Variants in PLCD1 observed in about 807,000 individuals in gnomAD.
PLCD1 encodes phospholipase C delta 1, also known as 1-phosphatidylinositol 4,5-bisphosphate phosphodiesterase delta-1.
PLCD1 carries 71 observed loss-of-function variants against 87.4 expected under a neutral mutation model. The observed-to-expected ratio is 0.81, with a 90% CI of 0.67 to 0.99. PLCD1 has a LOEUF of 0.99. Ranked by LOEUF, PLCD1 falls within the 50% of genes least tolerant of loss-of-function variation. PLCD1 has a pLI of 0.00. For missense variants in PLCD1, 867 were observed against 1,001.5 expected, an observed-to-expected ratio of 0.87 and a Z score of 1.81; for synonymous variants, 348 against 399.2, an observed-to-expected ratio of 0.87 and a Z score of 1.53.
At position 38,017,047 on chromosome 3, in the gene PLCD1, G is replaced by A. The variant is rs958560793; in HGVS notation, c.200-328C>T. 3.3e-5 allele frequency among the ~76,000 whole-genome samples: 5 copies of A among 152,094 alleles called. No homozygotes were observed. The highest frequency in any genetic ancestry group is 1.2e-4 in the African/African-American group (5 of 41,400). Reference sequence around the variant, plus strand: ...AAAAGGCACCTGGGACCCCAGGCCTGCTCTCTCGGTGATGGGGGGTGCAGG... The same window carrying A: ...AAAAGGCACCTGGGACCCCAGGCCTACTCTCTCGGTGATGGGGGGTGCAGG... On this transcript the variant is annotated intron_variant, in intron 2 of 14. Coordinates refer to ENST00000334661, the MANE Select transcript of PLCD1 (RefSeq NM_006225.4). This position sits in a 1 kb window ranked among gnomAD's most constrained non-coding sequence, Gnocchi z 4.7.
At chr3:38,024,872 CGA>C in intron 1 of PLCD1, 1 of 454,990 alleles carries the variant, frequency 2.2e-6, no homozygotes, top group African/African-American at 2.1e-5. Context: ...GGAGATGGGG[CGA>C]GAGTGGTGTC....
intron 1 of PLCD1, chr3:38,024,751 G>T (rs924647069): frequency 3.0e-6 from 4 of 1,355,364 alleles, no homozygotes; most frequent in Admixed American, 2.4e-5. Flanking sequence ...GTAAATGAGT[G>T]GGGGGAGTCA....
rs1470427837 is a variant in PLCD1, at chr3:38,017,907, C to A, written c.200-1188G>T. Among the ~76,000 whole-genome samples the A allele has an allele frequency of 1.3e-5, 2 of 152,278 alleles. 1 individual carries two copies. The highest frequency in any genetic ancestry group is 6.8e-3 in the Middle Eastern group (2 of 294). On this transcript the variant is annotated intron_variant, in intron 2 of 14. Transcript: ENST00000334661. The surrounding 1 kb of genome is among the most constrained non-coding windows in gnomAD (Gnocchi z 4.7). ...CGGCTTAATCCCTCTGCCTGCAGCC[C>A]CTGGTGACCCACACGGCCGCACACA...
At chr3:38,011,503 C>A in intron 4 of PLCD1, 41 bp downstream of exon 4, 2 of 1,613,994 alleles carry the variant, frequency 1.2e-6, no homozygotes, top group Non-Finnish European at 8.5e-7. Context: ...GGGTCAAGGG[C>A]CCCATGGACA....
chr3:38,024,867 T>C, intron 1 of PLCD1: 1 of 487,532 alleles, frequency 2.1e-6, no homozygotes, highest in Non-Finnish European at 3.1e-6. Flanking sequence ...CCCCTGGAGA[T>C]GGGGCGAGAG....
At chr3:38,028,083 G>A (rs569114990) in intron 1 of PLCD1, among the ~76,000 whole-genome samples, 41 of 152,208 alleles carry the variant, frequency 2.7e-4, no homozygotes, top group Non-Finnish European at 3.8e-4. Flanking sequence ...CCTCAGGAGA[G>A]AAACTGGACA....
chr3:38,019,462 AAAATTTCCCC>A (rs1156229647), intron 2 of PLCD1, among the ~76,000 whole-genome samples: 3 of 152,178 alleles, frequency 2.0e-5, no homozygotes, highest in Non-Finnish European at 4.4e-5. Flanking sequence ...GCATCGGTCT[AAAATTTCCCC>A]ACCAAGTAAA....
At chr3:38,027,489 T>C (rs573925710) in intron 1 of PLCD1, among the ~76,000 whole-genome samples, 28 of 152,370 alleles carry the variant, frequency 1.8e-4, no homozygotes, top group African/African-American at 6.7e-4. Context: ...AAGCCAAGAC[T>C]TGAACTCAGG....
chr3:38,008,881 G>A lies in PLCD1; in HGVS notation c.1723+161C>T, dbSNP rs1700014529. 4.5e-6 allele frequency: 3 copies of A among 672,808 alleles called. No homozygotes were observed. In the Admixed American group the frequency reaches 7.2e-5, roughly 16 times the overall value. The allele number at this position is 672,808 out of a possible 1,614,324, so 41.7% of individuals were successfully genotyped here. A position where few individuals can be genotyped will look rare whatever the true frequency, so the allele number is the denominator to read the frequency against. On this transcript the variant is annotated intron_variant, in intron 11 of 14. Coordinates refer to ENST00000334661, the MANE Select transcript of PLCD1 (RefSeq NM_006225.4). ...GTTTCAGACACTGTGACATGCTGGT[G>A]GGCAGATATTTCCAGACTGATATTA...
In PLCD1 at chr3:38,029,614, C is replaced by T; in HGVS notation, c.-75G>A. 1.4e-6 allele frequency: 2 copies of T among 1,416,298 alleles called. No homozygotes were observed. Among genetic ancestry groups the T allele is most frequent in the Non-Finnish European group, 9.6e-7 (1 of 1,041,088 alleles). The allele number at this position is 1,416,298 out of a possible 1,614,324, so 87.7% of individuals were successfully genotyped here. A position where few individuals can be genotyped will look rare whatever the true frequency, so the allele number is the denominator to read the frequency against. The stretch of plus-strand genomic sequence containing the variant: ...GCGACAGCACCGGCGGCCTGGGGTC[C>T]GAGCGGAGTGCGGTGCAGGGACCTG... On this transcript the variant is annotated 5_prime_UTR_variant, in exon 1 of 15. Transcript: ENST00000334661.
At chr3:38,020,941 G>A (rs1274416164) in intron 1 of PLCD1, among the ~76,000 whole-genome samples, 2 of 152,200 alleles carry the variant, frequency 1.3e-5, no homozygotes, top group Admixed American at 6.5e-5. Context: ...ACCTGGGCAA[G>A]GGACTTCATG....
chr3:38,023,128 G>A (rs555553215), intron 1 of PLCD1, among the ~76,000 whole-genome samples: 37 of 151,968 alleles, frequency 2.4e-4, no homozygotes, highest in Non-Finnish European at 5.1e-4. Context: ...AGCTGAGGGA[G>A]GTGCCAGGAG....
At position 38,025,203 on chromosome 3, in the gene PLCD1, G is replaced by A. The variant is rs992823932; in HGVS notation, c.34+4303C>T. Reference sequence around the variant, plus strand: ...TGGAAGGGCGGTGTCCAGGCAGGGAGGGGCGGTCCCTCGGCTTTGGAGGCG... The same window carrying A: ...TGGAAGGGCGGTGTCCAGGCAGGGAAGGGCGGTCCCTCGGCTTTGGAGGCG... On this transcript the variant is annotated intron_variant, in intron 1 of 14. Coordinates refer to ENST00000334661, the MANE Select transcript of PLCD1 (RefSeq NM_006225.4). The surrounding 1 kb of genome is among the most constrained non-coding windows in gnomAD (Gnocchi z 4.0). 3.3e-5 allele frequency among the ~76,000 whole-genome samples: 5 copies of A among 152,228 alleles called. No individual in the cohort carries two copies. The highest frequency in any genetic ancestry group is 2.6e-4 in the Admixed American group (4 of 15,286).
chr3:38,011,085 G>A (rs1700065281), intron 5 of PLCD1, 129 bp downstream of exon 5: 2 of 673,956 alleles, frequency 3.0e-6, no homozygotes, highest in Admixed American at 2.9e-5. Flanking sequence ...GTGTGGAGCA[G>A]GGCCCCGGGG....
At position 38,010,438 on chromosome 3, in the gene PLCD1, G is replaced by C. The variant is rs748686665; in HGVS notation, c.915C>G (p.Tyr305Ter). The C allele has an allele frequency of 1.2e-6, 2 of 1,614,234 alleles. No individual in the cohort carries two copies. Among genetic ancestry groups the C allele is most frequent in the Non-Finnish European group, 1.7e-6 (2 of 1,180,018 alleles). The change falls in exon 6 of 15, where the codon TAC becomes TAG. Residue 305 changes from tyrosine (Y) to a stop codon, truncating the protein, a stop_gained. Coordinates refer to ENST00000334661, the MANE Select transcript of PLCD1 (RefSeq NM_006225.4). LOFTEE classifies it high-confidence loss of function. ...YQDMGQPLSH[Y>*]LVSSSHNTYL... ...AGGTGTTGTGTGAAGAGGACACCAG[G>C]TAGTGGCTAAGTGGCTGGCCCATGT...
intron 1 of PLCD1, chr3:38,024,882 G>T (rs868089774): frequency 3.0e-5 from 12 of 403,564 alleles, no homozygotes; most frequent in African/African-American, 1.7e-4. Flanking sequence ...CGAGAGTGGT[G>T]TCGAGGCGTG....
At position 38,008,481 on chromosome 3, in the gene PLCD1, C is replaced by A. The variant is rs1181688920; in HGVS notation, c.1879G>T (p.Ala627Ser). The A allele has an allele frequency of 1.2e-6, 2 of 1,614,220 alleles. No individual in the cohort carries two copies. Among genetic ancestry groups the A allele is most frequent in the African/African-American group, 1.3e-5 (1 of 75,072 alleles). The change falls in exon 12 of 15, where the codon GCA becomes TCA. Residue 627 changes from alanine to serine, a missense_variant. Transcript: ENST00000334661. ...PRALAQGPWW[A>S]RKRLNIRVIS... ...ACCCTGATGTTGAGCCGCTTCCGTG[C>A]CCACCAGGGCCCCTGAGCCAGGGCG...
chr3:38,009,228 C>G (rs770729882), intron 10 of PLCD1, 44 bp downstream of exon 10: 4 of 1,613,424 alleles, frequency 2.5e-6, no homozygotes, highest in Non-Finnish European at 3.4e-6. Flanking sequence ...CCTGCCAATT[C>G]TCTCTGTAAC....
In PLCD1 at chr3:38,011,539, C is replaced by T; in HGVS notation, c.558+5G>A. 6.2e-7 allele frequency: 1 copy of T among 1,614,172 alleles called. No homozygotes were observed. Among genetic ancestry groups the T allele is most frequent in the South Asian group, 1.1e-5 (1 of 91,074 alleles). ...GGCAGCCCCAGCCCCCACTTCCTGCCTCACCCTGAAGATCTTCCGGGCATA... is the reference window on the plus strand; with the variant it reads ...GGCAGCCCCAGCCCCCACTTCCTGCTTCACCCTGAAGATCTTCCGGGCATA... On this transcript the variant is annotated splice_donor_5th_base_variant and intron_variant, in intron 4 of 14. Coordinates refer to ENST00000334661, the MANE Select transcript of PLCD1 (RefSeq NM_006225.4).
Sources: allele counts gnomAD v4.1 joint callset (sites outside exome capture counted in the v4.1 genomes callset), GRCh38; gene constraint gnomAD v4.1.1; non-coding constraint Gnocchi (gnomAD v3.1); transcripts MANE v1.5; gene names NCBI Gene and HGNC (gene_info 2026-07-23, HGNC 2026-07-21).